DIP2C: variants seen among roughly 807,000 people sequenced by gnomAD.
DIP2C encodes DIP2 acetate--CoA ligase C (putative).
Under a neutral mutation model 192.4 loss-of-function variants are expected in DIP2C, and 33 were observed. The ratio of observed to expected loss-of-function variants is 0.17; its 90% CI spans 0.13 to 0.23. DIP2C has a LOEUF of 0.23. Among genes scored for constraint, DIP2C ranks in the 10% least tolerant of loss-of-function variants. The pLI is 1.00. For synonymous variants in DIP2C, 979 were observed against 864.1 expected, an observed-to-expected ratio of 1.13 and a Z score of -2.33; for missense variants, 1,537 against 2,110.1, an observed-to-expected ratio of 0.73 and a Z score of 5.32.
intron 9 of DIP2C, among the ~76,000 whole-genome samples, chr10:405,630 C>T (rs1405413614): frequency 2.0e-5 from 3 of 152,212 alleles, no homozygotes; most frequent in Admixed American, 6.5e-5. Context: ...CAATACAATA[C>T]TGGACAAATA....
intron 4 of DIP2C, chr10:437,794 G>GCTCACGGC (rs1967389970): frequency 6.6e-6 from 1 of 152,178 alleles, no homozygotes; most frequent in African/African-American, 2.4e-5. Flanking sequence ...AGTTTCTCCA[G>GCTCACGGC]AAACTATGAT....
At chr10:377,407 G>A (rs1031225792) in intron 17 of DIP2C, among the ~76,000 whole-genome samples, 5 of 152,146 alleles carry the variant, frequency 3.3e-5, no homozygotes, top group South Asian at 2.1e-4. Flanking sequence ...ACTGTAAAAC[G>A]CACGTGGTTG....
chr10:607,604 G>A (rs980474157), intron 1 of DIP2C, among the ~76,000 whole-genome samples: 10 of 152,178 alleles, frequency 6.6e-5, no homozygotes, highest in Non-Finnish European at 1.3e-4. Context: ...AAGTGCATTT[G>A]ACATAATAGT....
chr10:650,185 C>T lies in DIP2C; in HGVS notation c.85+39309G>A, dbSNP rs910337133. On this transcript the variant is annotated intron_variant, in intron 1 of 36. Coordinates refer to ENST00000280886, the MANE Select transcript of DIP2C (RefSeq NM_014974.3). ...AGCAGAGTCAACACTGGAGGTCCTG[C>T]GGGGTGGGTGGTGCTGGGGAGGCCA... The T allele has an allele frequency of 3.3e-5, 24 of 717,368 alleles. 1 individual carries two copies. Among genetic ancestry groups the T allele is most frequent in the African/African-American group, 2.3e-4 (13 of 57,342 alleles). The allele number at this position is 717,368 out of a possible 1,614,324, so 44.4% of individuals were successfully genotyped here.
At chr10:645,448 GCT>G (rs1855400055) in intron 1 of DIP2C, among the ~76,000 whole-genome samples, 1 of 152,132 alleles carries the variant, frequency 6.6e-6, no homozygotes. Context: ...CCTCCTCTCT[GCT>G]CCATCTCTAA....
intron 1 of DIP2C, among the ~76,000 whole-genome samples, chr10:607,234 C>T (rs1167076155): frequency 2.0e-5 from 3 of 152,214 alleles, no homozygotes; most frequent in Admixed American, 6.5e-5. Flanking sequence ...TGAGAACTGA[C>T]CTGCCTCTTT....
intron 3 of DIP2C, among the ~76,000 whole-genome samples, chr10:446,665 AGAGC>A (rs1309595193): frequency 6.6e-6 from 1 of 152,230 alleles, no homozygotes; most frequent in Non-Finnish European, 1.5e-5. Context: ...AACTGTGGGC[AGAGC>A]GCCCCGGCTG....
At chr10:582,671 C>T (rs1186029379) in intron 1 of DIP2C, among the ~76,000 whole-genome samples, 1 of 152,206 alleles carries the variant, frequency 6.6e-6, no homozygotes, top group Non-Finnish European at 1.5e-5. Flanking sequence ...GGTGTGATAG[C>T]GTTTCTATCA....
chr10:304,716 T>G (rs1956224378), intron 32 of DIP2C, among the ~76,000 whole-genome samples: 1 of 151,374 alleles, frequency 6.6e-6, no homozygotes, highest in Non-Finnish European at 1.5e-5. Context: ...CTCATCTGCA[T>G]GCACACACGT....
chr10:531,803 T>A (rs998232867), intron 1 of DIP2C, among the ~76,000 whole-genome samples: 1 of 152,146 alleles, frequency 6.6e-6, no homozygotes, highest in Non-Finnish European at 1.5e-5. Context: ...CGGGTGCCCG[T>A]GTCAAGAACA....
At chr10:480,895 T>C (rs896970565) in intron 2 of DIP2C, among the ~76,000 whole-genome samples, 3 of 152,206 alleles carry the variant, frequency 2.0e-5, no homozygotes, top group African/African-American at 7.2e-5. Flanking sequence ...ATTCACGCTA[T>C]GTCACAGGCA....
chr10:517,600 A>G (rs1224543393), intron 1 of DIP2C, among the ~76,000 whole-genome samples: 1 of 152,204 alleles, frequency 6.6e-6, no homozygotes, highest in Non-Finnish European at 1.5e-5. Context: ...AGAAGAAAAG[A>G]AGGCACCATA....
At chr10:354,904 G>A (rs1959003764) in intron 24 of DIP2C, among the ~76,000 whole-genome samples, 1 of 151,822 alleles carries the variant, frequency 6.6e-6, no homozygotes, top group Non-Finnish European at 1.5e-5. Context: ...TACTGGGAGA[G>A]GACAAAGTCA....
intron 1 of DIP2C, among the ~76,000 whole-genome samples, chr10:607,464 C>T (rs549805005): frequency 3.3e-5 from 5 of 152,166 alleles, no homozygotes; most frequent in Non-Finnish European, 7.3e-5. Context: ...TCTATAACAT[C>T]AGAGACGTTA....
intron 1 of DIP2C, among the ~76,000 whole-genome samples, chr10:545,166 C>CCCTTTTTTTTTTTTTTT (rs1554896881): frequency 2.3e-5 from 2 of 86,342 alleles, no homozygotes; most frequent in African/African-American, 5.7e-5. Flanking sequence ...GGTGTTTTCC[C>CCCTTTTTTTTTTTTTTT]TTTTTTTTTT....
chr10:334,217 G>C (rs1289940372), intron 29 of DIP2C, among the ~76,000 whole-genome samples: 1 of 135,858 alleles, frequency 7.4e-6, no homozygotes, highest in East Asian at 2.3e-4. Context: ...TGAGGCAGGA[G>C]AATCACTTGA....
At chr10:477,803 G>A (rs1251655073) in intron 2 of DIP2C, among the ~76,000 whole-genome samples, 12 of 127,458 alleles carry the variant, frequency 9.4e-5, no homozygotes, top group Non-Finnish European at 1.5e-4. Context: ...GGGAAGGAAG[G>A]AAAGAGAAGG....
chr10:528,986 C>T (rs1179716437), intron 1 of DIP2C, among the ~76,000 whole-genome samples: 1 of 152,218 alleles, frequency 6.6e-6, no homozygotes, highest in Non-Finnish European at 1.5e-5. Flanking sequence ...CTGAGCTGAT[C>T]ATGAGACACC....
intron 2 of DIP2C, among the ~76,000 whole-genome samples, chr10:474,029 C>T (rs1336283090): frequency 6.6e-6 from 1 of 152,204 alleles, no homozygotes; most frequent in Non-Finnish European, 1.5e-5. Flanking sequence ...CCATCAGTTC[C>T]TGAGGACTGA....
Sources: gnomAD v4.1 joint callset for allele counts (sites outside exome capture counted in the v4.1 genomes callset) on GRCh38, gnomAD v4.1.1 for gene constraint, MANE v1.5 for transcripts, NCBI Gene and HGNC (gene_info 2026-07-23, HGNC 2026-07-21) for gene names.